The following ANKRD17 variants were observed in gnomAD, a reference collection of about 807,000 sequenced individuals.
ANKRD17 encodes ankyrin repeat domain 17, also known as ankyrin repeat domain-containing protein 17.
In ANKRD17, 19 loss-of-function variants were observed where a neutral mutation model predicts 229.7. The observed-to-expected ratio is 0.08, with a 90% confidence interval of 0.06 to 0.12. The LOEUF (loss-of-function observed/expected upper bound fraction) is 0.12, where lower values mean the gene tolerates loss of function less well. Among genes scored for constraint, ANKRD17 ranks in the 10% least tolerant of loss-of-function variants. The pLI is 1.00. For missense variants in ANKRD17, 2,176 were observed against 3,176.8 expected (o/e 0.68, Z 7.57); for synonymous variants, 1,112 against 1,146.1 (o/e 0.97, Z 0.60).
chr4:73,107,858 T>A (rs1387455275), intron 24 of ANKRD17, among the ~76,000 whole-genome samples: 1 of 152,124 alleles, frequency 6.6e-6, no homozygotes, highest in Non-Finnish European at 1.5e-5. Context: ...AGAAGTGTGA[T>A]ATGATTTGAT....
chr4:73,146,344 ATTAT>A (rs1394702740), intron 10 of ANKRD17, among the ~76,000 whole-genome samples: 1 of 152,110 alleles, frequency 6.6e-6, no homozygotes, highest in Non-Finnish European at 1.5e-5. Context: ...GGAAAAGTTT[ATTAT>A]TTATGTTTTA....
intron 28 of ANKRD17, among the ~76,000 whole-genome samples, chr4:73,092,710 A>G (rs1722905427): frequency 1.3e-5 from 2 of 152,340 alleles, no homozygotes; most frequent in African/African-American, 4.8e-5. Flanking sequence ...ACAGTTAATC[A>G]ACACTAAAAA....
chr4:73,107,054 C>T (rs1724732521), intron 24 of ANKRD17, among the ~76,000 whole-genome samples: 1 of 151,890 alleles, frequency 6.6e-6, no homozygotes, highest in African/African-American at 2.4e-5. Flanking sequence ...GTGGATGGAA[C>T]AGAAGGCAGA....
chr4:73,224,561 TTTC>T (rs1742262538), intron 1 of ANKRD17, among the ~76,000 whole-genome samples: 1 of 152,182 alleles, frequency 6.6e-6, no homozygotes, highest in African/African-American at 2.4e-5. Context: ...CAATATATGA[TTTC>T]TTTTTTTAAA....
chr4:73,219,680 G>A (rs1478214117), intron 1 of ANKRD17, among the ~76,000 whole-genome samples: 2 of 152,082 alleles, frequency 1.3e-5, no homozygotes, highest in Non-Finnish European at 2.9e-5. Flanking sequence ...ATAGAGAGTT[G>A]GCACTTTTAT....
chr4:73,138,257 A>G (rs1428364633), intron 15 of ANKRD17, among the ~76,000 whole-genome samples: 2 of 152,118 alleles, frequency 1.3e-5, no homozygotes, highest in East Asian at 1.9e-4. Context: ...GCACTCATCA[A>G]TAAGAGTCGT....
In ANKRD17 at chr4:73,073,443, T is replaced by A. The variant is rs1720835337; in HGVS notation, c.*2788A>T. On this transcript the variant is annotated 3_prime_UTR_variant, in exon 34 of 34. Coordinates refer to ENST00000358602, the MANE Select transcript of ANKRD17 (RefSeq NM_032217.5). The stretch of plus-strand genomic sequence containing the variant: ...ATTTTATAACTTTGAGTTTTCCTGT[T>A]TAGTCTAACACTGTACTGTTTTAAA... The A allele has an allele frequency of 6.6e-6, 1 of 152,122 alleles. No individual in the cohort carries two copies. The allele number at this position is 152,122 out of a possible 1,614,324, so 9.4% of individuals were successfully genotyped here.
chr4:73,135,295 G>A, intron 15 of ANKRD17, 30 bp from the exon 16 acceptor site: 1 of 1,585,394 alleles, frequency 6.3e-7, no homozygotes, highest in Non-Finnish European at 8.6e-7. Flanking sequence ...CACTTAATAA[G>A]GATGAAACAT....
At chr4:73,166,574 C>T (rs1050527190) in intron 2 of ANKRD17, among the ~76,000 whole-genome samples, 1 of 152,050 alleles carries the variant, frequency 6.6e-6, no homozygotes, top group Non-Finnish European at 1.5e-5. Context: ...AGAGAAGCAA[C>T]CAGACAGTGC....
chr4:73,098,007 A>G (rs1723510199), intron 26 of ANKRD17, 66 bp downstream of exon 26: 3 of 1,447,442 alleles, frequency 2.1e-6, no homozygotes, highest in Non-Finnish European at 2.8e-6. Context: ...TTCTTTACCA[A>G]CAAATTCAGT....
chr4:73,233,475 T>C (rs1456447635), intron 1 of ANKRD17, among the ~76,000 whole-genome samples: 1 of 152,174 alleles, frequency 6.6e-6, no homozygotes, highest in Non-Finnish European at 1.5e-5. Context: ...GGAAATTTAA[T>C]TTTATGTTGT....
chr4:73,257,034 A>G (rs140715037), intron 1 of ANKRD17, among the ~76,000 whole-genome samples: 43 of 152,342 alleles, frequency 2.8e-4, no homozygotes, highest in Middle Eastern at 3.4e-3. Flanking sequence ...TTTTCGGAAA[A>G]CCAGACTTGC....
chr4:73,104,592 T>C (rs928621226), intron 24 of ANKRD17, among the ~76,000 whole-genome samples: 1 of 152,190 alleles, frequency 6.6e-6, no homozygotes, highest in African/African-American at 2.4e-5. Context: ...ATCGTATCTG[T>C]ATAGACAGAA....
intron 1 of ANKRD17, among the ~76,000 whole-genome samples, chr4:73,191,710 A>G (rs1737129366): frequency 6.6e-6 from 1 of 152,016 alleles, no homozygotes. Flanking sequence ...AATATTACAG[A>G]GTAGGCAATT....
intron 28 of ANKRD17, 83 bp downstream of exon 28, chr4:73,093,996 C>T (rs1015381171): frequency 6.1e-6 from 8 of 1,308,170 alleles, no homozygotes; most frequent in Admixed American, 2.0e-5. Flanking sequence ...ACACAAAGTT[C>T]CACTGAAAAC....
At chr4:73,206,570 A>C (rs1247071138) in intron 1 of ANKRD17, among the ~76,000 whole-genome samples, 1 of 152,186 alleles carries the variant, frequency 6.6e-6, no homozygotes, top group Admixed American at 6.5e-5. Context: ...AGCCAGGCAC[A>C]GAAATGCAAG....
At chr4:73,106,118 TA>T (rs1490792027) in intron 24 of ANKRD17, among the ~76,000 whole-genome samples, 1 of 152,102 alleles carries the variant, frequency 6.6e-6, no homozygotes, top group East Asian at 1.9e-4. Context: ...TGGGGGAGGT[TA>T]GAGGCTCTGA....
chr4:73,087,213 G>T (rs1028509673), intron 29 of ANKRD17, among the ~76,000 whole-genome samples: 1 of 151,356 alleles, frequency 6.6e-6, no homozygotes, highest in African/African-American at 2.4e-5. Flanking sequence ...AGCCTCCCAA[G>T]TAGGTGGGAT....
chr4:73,248,644 G>A (rs538188202), intron 1 of ANKRD17, among the ~76,000 whole-genome samples: 39 of 151,940 alleles, frequency 2.6e-4, no homozygotes, highest in African/African-American at 6.7e-4. Flanking sequence ...TAATAATCAC[G>A]TGGAAAACTG....
Sources: allele counts gnomAD v4.1 joint callset (sites outside exome capture counted in the v4.1 genomes callset), GRCh38; gene constraint gnomAD v4.1.1; transcripts MANE v1.5; gene names NCBI Gene and HGNC (gene_info 2026-07-23, HGNC 2026-07-21).